HVCN1: variants seen among roughly 807,000 people sequenced by gnomAD.
The protein encoded by HVCN1 is hydrogen voltage gated channel 1.
HVCN1 carries 14 observed loss-of-function variants against 29.2 expected under a neutral mutation model. The observed-to-expected ratio is 0.48, with a 90% confidence interval of 0.32 to 0.75. The LOEUF is 0.75. Ranked by LOEUF, HVCN1 falls within the 30% of genes least tolerant of loss-of-function variation. HVCN1 has a pLI of 0.04. For missense variants in HVCN1, 263 were observed against 341.8 expected (o/e 0.77, Z 1.82); for synonymous variants, 131 against 133.2 (o/e 0.98, Z 0.11).
At chr12:110,700,692 A>G (rs2069555449) in intron 2 of HVCN1, among the ~76,000 whole-genome samples, 4 of 152,094 alleles carry the variant, frequency 2.6e-5, no homozygotes, top group Admixed American at 2.6e-4. Context: ...TCCTGGGCTC[A>G]AGTGATCCTC....
At chr12:110,704,667 TA>T (rs942605480) in intron 1 of HVCN1, among the ~76,000 whole-genome samples, 1 of 151,988 alleles carries the variant, frequency 6.6e-6, no homozygotes, top group African/African-American at 2.4e-5. Flanking sequence ...CTAAAAAGAA[TA>T]AAGTTAAAAA....
chr12:110,652,559 C>A (rs2067847157), intron 5 of HVCN1, among the ~76,000 whole-genome samples: 1 of 152,080 alleles, frequency 6.6e-6, no homozygotes, highest in Non-Finnish European at 1.5e-5. Flanking sequence ...TGAAGAGGCT[C>A]ACAGTGACAA....
Position 110,661,891 on chromosome 12 carries a change from A to G in HVCN1, c.22-443T>C, listed in dbSNP as rs1458507517. Among the ~76,000 whole-genome samples, 1 of 152,198 alleles carries G rather than the reference A, an allele frequency of 6.6e-6. No homozygotes were observed. The highest frequency in any genetic ancestry group is 1.5e-5 in the Non-Finnish European group (1 of 68,036). On this transcript the variant is annotated intron_variant, in intron 3 of 7. Transcript: ENST00000242607. This position sits in a 1 kb window ranked among gnomAD's most constrained non-coding sequence, Gnocchi z 6.2. The stretch of plus-strand genomic sequence containing the variant: ...TAGAAAAGTCACGAGATCCCCACCC[A>G]TCACGCCACACATCCTGACAGGCGC...
chr12:110,693,563 A>G (rs2069446072), upstream of HVCN1, among the ~76,000 whole-genome samples: 1 of 151,160 alleles, frequency 6.6e-6, no homozygotes, highest in Non-Finnish European at 1.5e-5. Context: ...AAAAAAACGG[A>G]AAAAAAAACC....
chr12:110,660,999 G>A (rs924420670), intron 4 of HVCN1, among the ~76,000 whole-genome samples, 165 bp downstream of exon 4: 1 of 152,198 alleles, frequency 6.6e-6, no homozygotes, highest in South Asian at 2.1e-4. Flanking sequence ...TCTGCCTACC[G>A]CATTCCCAGC....
chr12:110,685,641 C>T (rs1378128940), intron 2 of HVCN1, among the ~76,000 whole-genome samples: 1 of 152,062 alleles, frequency 6.6e-6, no homozygotes, highest in South Asian at 2.1e-4. Context: ...CTCCTCCCAC[C>T]CCAGCGCTTC....
intron 3 of HVCN1, among the ~76,000 whole-genome samples, chr12:110,681,005 C>G (rs987051640): frequency 2.0e-5 from 3 of 152,176 alleles, no homozygotes; most frequent in African/African-American, 7.2e-5. Flanking sequence ...AGATTCGCAC[C>G]TGTTCAGAGG....
intron 3 of HVCN1, among the ~76,000 whole-genome samples, chr12:110,674,008 C>T (rs938845581): frequency 1.3e-5 from 2 of 152,216 alleles, no homozygotes; most frequent in Non-Finnish European, 2.9e-5. Flanking sequence ...CAATAGCTTG[C>T]ACCATATACC....
chr12:110,679,859 CAA>C (rs370385245), intron 3 of HVCN1, among the ~76,000 whole-genome samples: 52 of 88,188 alleles, frequency 5.9e-4, no homozygotes, highest in Admixed American at 1.9e-3. Flanking sequence ...GACTCCGTCT[CAA>C]AAAAAAAAAA....
At position 110,663,099 on chromosome 12, in the gene HVCN1, G is replaced by C. The variant is rs555713208; in HGVS notation, c.22-1651C>G. On this transcript the variant is annotated intron_variant, in intron 3 of 7. Transcript: ENST00000242607. ...AAGTCTACATCAAATATCGGTGAGGGCGTGAAGCAATGGGGTCTCTTGAAC... is the reference window on the plus strand; with the variant it reads ...AAGTCTACATCAAATATCGGTGAGGCCGTGAAGCAATGGGGTCTCTTGAAC... 4.6e-5 allele frequency among the ~76,000 whole-genome samples: 7 copies of C among 152,258 alleles called. No homozygotes were observed. In the East Asian group the frequency reaches 1.4e-3, roughly 29 times the overall value.
intron 2 of HVCN1, among the ~76,000 whole-genome samples, chr12:110,684,665 G>A (rs1027069148): frequency 2.0e-5 from 3 of 152,328 alleles, no homozygotes; most frequent in African/African-American, 7.2e-5. Context: ...AGTGATCTGG[G>A]TGTGGGGCTT....
rs559562925 is a variant in HVCN1 at position 110,685,838 on chromosome 12, C to T, written c.-19-2574G>A. ...CCGAGTAGCTGGGACTATAGGCACA[C>T]ACTACCAAGTCCAGCTAATTTTTGT... On this transcript the variant is annotated intron_variant, in intron 2 of 7. Coordinates refer to ENST00000242607, the MANE Select transcript of HVCN1 (RefSeq NM_032369.4). 3.3e-5 allele frequency among the ~76,000 whole-genome samples: 5 copies of T among 152,128 alleles called. No homozygotes were observed. The South Asian group carries it at 1.0e-3, about 32-fold the overall frequency.
upstream of HVCN1, among the ~76,000 whole-genome samples, chr12:110,690,268 C>A (rs2069373954): frequency 6.6e-6 from 1 of 152,208 alleles, no homozygotes; most frequent in Admixed American, 6.5e-5. Context: ...TGGGATCCAC[C>A]TGGATAATCC....
chr12:110,691,687 C>T (rs1254071729), upstream of HVCN1, among the ~76,000 whole-genome samples: 1 of 152,148 alleles, frequency 6.6e-6, no homozygotes, highest in African/African-American at 2.4e-5. Flanking sequence ...GTAGTTAGAC[C>T]CTTAGTGCAG....
intron 2 of HVCN1, among the ~76,000 whole-genome samples, chr12:110,696,265 A>AT (rs1036788484): frequency 1.3e-5 from 2 of 151,922 alleles, no homozygotes; most frequent in African/African-American, 4.8e-5. Context: ...GGACCATTTG[A>AT]TTTTTTACAA....
intron 3 of HVCN1, among the ~76,000 whole-genome samples, chr12:110,663,154 T>C (rs1303762353): frequency 6.6e-6 from 1 of 152,130 alleles, no homozygotes; most frequent in Non-Finnish European, 1.5e-5. Flanking sequence ...ACCAGCACCA[T>C]CATTTTGGGG....
intron 4 of HVCN1, among the ~76,000 whole-genome samples, chr12:110,657,786 G>A (rs764161086): frequency 6.6e-6 from 1 of 152,170 alleles, no homozygotes; most frequent in African/African-American, 2.4e-5. Context: ...CTTCTTAGGG[G>A]AACCAGGTCA....
chr12:110,658,970 G>A lies in HVCN1; in HGVS notation c.306+2194C>T, dbSNP rs916032104. The stretch of plus-strand genomic sequence containing the variant: ...CAGGAGGGGGATATCCTGATGGGGC[G>A]GCCCAGGGCTCCCCTTGCAGCTGCA... On this transcript the variant is annotated intron_variant, in intron 4 of 7. Transcript: ENST00000242607. The surrounding 1 kb of genome is among the most constrained non-coding windows in gnomAD (Gnocchi z 5.0). Among the ~76,000 whole-genome samples the A allele has an allele frequency of 3.9e-5, 6 of 152,186 alleles. No homozygotes were observed. In the East Asian group the frequency reaches 9.6e-4, roughly 24 times the overall value.
intron 2 of HVCN1, among the ~76,000 whole-genome samples, chr12:110,696,883 GGGA>G (rs1432223335): frequency 1.3e-5 from 2 of 152,072 alleles, no homozygotes; most frequent in Non-Finnish European, 2.9e-5. Context: ...AGATAAATCT[GGGA>G]TTAGATTATA....
Sources: gnomAD v4.1 joint callset for allele counts (sites outside exome capture counted in the v4.1 genomes callset) on GRCh38, gnomAD v4.1.1 for gene constraint, Gnocchi (gnomAD v3.1) non-coding constraint, MANE v1.5 for transcripts, NCBI Gene and HGNC (gene_info 2026-07-23, HGNC 2026-07-21) for gene names.